The following ACMSD variants were observed in gnomAD, a reference collection of about 807,000 sequenced individuals.
ACMSD encodes 2-amino-3-carboxymuconate-6-semialdehyde decarboxylase.
ACMSD carries 37 observed loss-of-function variants against 45.9 expected under a neutral mutation model. That is an observed-to-expected ratio of 0.81 (90% CI 0.62 to 1.06). ACMSD has a LOEUF of 1.06. Ranked by LOEUF, ACMSD falls within the 50% of genes least tolerant of loss-of-function variation. The pLI is 0.00. For missense variants in ACMSD, 434 were observed against 420.9 expected (o/e 1.03, Z -0.27); for synonymous variants, 138 against 148.8 (o/e 0.93, Z 0.53).
chr2:134,899,308 C>T (rs1340943594), intron 9 of ACMSD, among the ~76,000 whole-genome samples: 1 of 152,032 alleles, frequency 6.6e-6, no homozygotes, highest in African/African-American at 2.4e-5. Context: ...AAAATTCATT[C>T]TTCAGTATAC....
intron 8 of ACMSD, among the ~76,000 whole-genome samples, chr2:134,893,964 T>C (rs1053658084): frequency 6.6e-6 from 1 of 152,158 alleles, no homozygotes; most frequent in Admixed American, 6.6e-5. Context: ...TGGATGCAGC[T>C]AGAAGTAGTA....
Position 134,867,691 on chromosome 2 carries a change from T to C in ACMSD, c.580+19T>C, listed in dbSNP as rs981363289. 1 of 1,604,960 alleles carries C rather than the reference T, an allele frequency of 6.2e-7. No individual in the cohort carries two copies. Among genetic ancestry groups the C allele is most frequent in the African/African-American group, 1.3e-5 (1 of 74,842 alleles). ...CTTGTAGGTTTGTGTCTGTGTGGGG[T>C]CTGGAACAGAGGACCAACTCTTGGG... On this transcript the variant is annotated intron_variant, in intron 6 of 9. Coordinates refer to ENST00000356140, the MANE Select transcript of ACMSD (RefSeq NM_138326.3).
chr2:134,854,600 C>T (rs1687493652), intron 2 of ACMSD, among the ~76,000 whole-genome samples: 1 of 152,236 alleles, frequency 6.6e-6, no homozygotes, highest in South Asian at 2.1e-4. Flanking sequence ...ACATTGCTCA[C>T]TTCCAGGTCA....
At chr2:134,840,744 C>T (rs1005324963) in intron 1 of ACMSD, among the ~76,000 whole-genome samples, 1 of 152,038 alleles carries the variant, frequency 6.6e-6, no homozygotes, top group Non-Finnish European at 1.5e-5. Flanking sequence ...CAGGTTTCTT[C>T]TTCTTTTTTT....
intron 8 of ACMSD, among the ~76,000 whole-genome samples, chr2:134,881,809 G>A (rs2104915017): frequency 6.6e-6 from 1 of 152,094 alleles, no homozygotes; most frequent in African/African-American, 2.4e-5. Flanking sequence ...CCAACATGGT[G>A]AAACCCTGTC....
intron 8 of ACMSD, among the ~76,000 whole-genome samples, chr2:134,882,010 C>T (rs980048213): frequency 6.6e-6 from 1 of 151,908 alleles, no homozygotes; most frequent in African/African-American, 2.4e-5. Context: ...CTCAGCTACT[C>T]GGGAGGCTGA....
chr2:134,842,538 C>T lies in ACMSD; in HGVS notation c.58-2695C>T, dbSNP rs76240552. On this transcript the variant is annotated intron_variant, in intron 1 of 9. Transcript: ENST00000356140. ...CTAGCACCATCACCATCAGCCATCACGGGTACCACCATTGCCACCATACTC... is the reference window on the plus strand; with the variant it reads ...CTAGCACCATCACCATCAGCCATCATGGGTACCACCATTGCCACCATACTC... 4.5e-3 allele frequency among the ~76,000 whole-genome samples: 683 copies of T among 152,184 alleles called. 6 individuals are homozygous for T. Among genetic ancestry groups the T allele is most frequent in the African/African-American group, 0.015 (624 of 41,514 alleles).
At chr2:134,857,045 CTG>C (rs1483624598) in intron 2 of ACMSD, among the ~76,000 whole-genome samples, 3 of 152,134 alleles carry the variant, frequency 2.0e-5, no homozygotes, top group Non-Finnish European at 2.9e-5. Context: ...TTCCATTCGT[CTG>C]TGTCTTCTTT....
At chr2:134,897,217 G>C (rs1690208008) in intron 8 of ACMSD, among the ~76,000 whole-genome samples, 2 of 151,816 alleles carry the variant, frequency 1.3e-5, no homozygotes, top group Admixed American at 1.3e-4. Context: ...GGAAATTAAT[G>C]TTATTTGTTT....
intron 2 of ACMSD, among the ~76,000 whole-genome samples, chr2:134,846,832 C>T (rs1687074575): frequency 6.6e-6 from 1 of 152,088 alleles, no homozygotes; most frequent in South Asian, 2.1e-4. Flanking sequence ...GCTCAGATTC[C>T]AGGGGTCACA....
chr2:134,887,694 G>A (rs1479929709), intron 8 of ACMSD, among the ~76,000 whole-genome samples: 1 of 152,194 alleles, frequency 6.6e-6, no homozygotes, highest in East Asian at 1.9e-4. Context: ...GAGCTGCCGT[G>A]TGCAGCCCAG....
chr2:134,899,046 A>C (rs1690346748), intron 9 of ACMSD, among the ~76,000 whole-genome samples: 1 of 152,110 alleles, frequency 6.6e-6, no homozygotes, highest in Non-Finnish European at 1.5e-5. Flanking sequence ...CCTCCAAAAA[A>C]ATAAGTTCTT....
At chr2:134,862,265 C>A (rs941356682) in intron 4 of ACMSD, among the ~76,000 whole-genome samples, 2 of 152,126 alleles carry the variant, frequency 1.3e-5, no homozygotes, top group African/African-American at 2.4e-5. Flanking sequence ...TACAGTGGTA[C>A]TAGACCAGCC....
chr2:134,861,176 G>C (rs987247590), intron 3 of ACMSD, among the ~76,000 whole-genome samples: 1 of 152,278 alleles, frequency 6.6e-6, no homozygotes, highest in Admixed American at 6.5e-5. Context: ...GAGAGCTGGA[G>C]AAAGAACATG....
chr2:134,844,825 A>G (rs944894904), intron 1 of ACMSD, among the ~76,000 whole-genome samples: 5 of 151,926 alleles, frequency 3.3e-5, no homozygotes, highest in African/African-American at 1.2e-4. Flanking sequence ...CACTAAACTG[A>G]TATCACAATC....
chr2:134,845,314 C>G, intron 2 of ACMSD, 37 bp downstream of exon 2: 1 of 1,613,272 alleles, frequency 6.2e-7, no homozygotes. Context: ...CAGTAGCACT[C>G]AGGGAGAGCT....
intron 2 of ACMSD, among the ~76,000 whole-genome samples, chr2:134,846,507 G>A (rs909877289): frequency 6.6e-5 from 10 of 152,264 alleles, no homozygotes; most frequent in African/African-American, 2.4e-4. Context: ...AGGTTTAAGT[G>A]ATCCTCCCAC....
At chr2:134,862,055 A>G in intron 4 of ACMSD, 37 bp downstream of exon 4, 1 of 1,613,538 alleles carries the variant, frequency 6.2e-7, no homozygotes, top group East Asian at 2.2e-5. Context: ...CTTGGTGTTG[A>G]AGGTTCGTGT....
At chr2:134,860,764 A>C (rs982128512) in intron 3 of ACMSD, among the ~76,000 whole-genome samples, 49 of 150,172 alleles carry the variant, frequency 3.3e-4, no homozygotes, top group African/African-American at 1.1e-3. Context: ...TCATGCCTAT[A>C]ATCCCAGCAT....
Sources: gnomAD v4.1 joint callset for allele counts (sites outside exome capture counted in the v4.1 genomes callset) on GRCh38, gnomAD v4.1.1 for gene constraint, MANE v1.5 for transcripts, NCBI Gene and HGNC (gene_info 2026-07-23, HGNC 2026-07-21) for gene names.